RBFOX3: variants seen among roughly 807,000 people sequenced by gnomAD.
The protein encoded by RBFOX3 is RNA binding protein fox-1 homolog 3.
Under a neutral mutation model 48.7 loss-of-function variants are expected in RBFOX3, and 17 were observed. That is an observed-to-expected ratio of 0.35 (90% CI 0.24 to 0.52). The LOEUF (loss-of-function observed/expected upper bound fraction) is 0.52, where lower values mean the gene tolerates loss of function less well. RBFOX3 is among the 20% of genes least tolerant of loss of function. The pLI is 0.94. For synonymous variants in RBFOX3, 212 were observed against 209.5 expected (o/e 1.01, Z -0.10); for missense variants, 382 against 497.5 (o/e 0.77, Z 2.21).
the RBFOX3 span, among the ~76,000 whole-genome samples, chr17:79,620,011 GCACACA>G: frequency 7.0e-6 from 1 of 142,328 alleles, no homozygotes; most frequent in Non-Finnish European, 1.5e-5. Context: ...ACATGCACAT[GCACACA>G]CACACGTGCA....
At chr17:79,398,216 A>C (rs539799515) in intron 2 of RBFOX3, among the ~76,000 whole-genome samples, 3 of 152,268 alleles carry the variant, frequency 2.0e-5, no homozygotes, top group African/African-American at 7.2e-5. Flanking sequence ...CTCATTATGC[A>C]CCAGAAAGGA....
chr17:79,560,456 A>G (rs1391265152), intron 1 of RBFOX3, among the ~76,000 whole-genome samples: 1 of 152,166 alleles, frequency 6.6e-6, no homozygotes, highest in African/African-American at 2.4e-5. Flanking sequence ...TAGCCTCAGG[A>G]CCAGTCAGAA....
chr17:79,579,930 G>A (rs1460136222), intron 1 of RBFOX3, among the ~76,000 whole-genome samples: 6 of 143,722 alleles, frequency 4.2e-5, no homozygotes, highest in Admixed American at 2.1e-4. Flanking sequence ...GGGATCACTC[G>A]CACTGTGGTG....
rs144385834 is a variant in RBFOX3 at position 79,178,208 on chromosome 17, C to T, written c.-34+57558G>A. Among the ~76,000 whole-genome samples the T allele has an allele frequency of 7.7e-3, 1,171 of 152,334 alleles. 47 individuals are homozygous for T. Among genetic ancestry groups the T allele is most frequent in the Admixed American group, 0.058 (889 of 15,306 alleles). On this transcript the variant is annotated intron_variant, in intron 4 of 14. Transcript: ENST00000693108. ...TGCTCAGAGAAACTCACTCACCCCA[C>T]GGAACAAGACACCATGTGGAGGTTT...
At chr17:79,323,656 C>G (rs1326333956) in intron 2 of RBFOX3, among the ~76,000 whole-genome samples, 1 of 152,186 alleles carries the variant, frequency 6.6e-6, no homozygotes, top group African/African-American at 2.4e-5. Flanking sequence ...TGACCTTTGT[C>G]CTGTTTGATG....
At chr17:79,094,190 G>A (rs200418686) in intron 14 of RBFOX3, 4 of 419,002 alleles carry the variant, frequency 9.5e-6, no homozygotes, top group Admixed American at 4.4e-5. Context: ...TCAGGGAAAC[G>A]GATCAGGCAC....
intron 4 of RBFOX3, among the ~76,000 whole-genome samples, chr17:79,209,110 C>G (rs553340552): frequency 1.3e-5 from 2 of 152,234 alleles, no homozygotes; most frequent in Non-Finnish European, 2.9e-5. Context: ...TGAGCCACCA[C>G]GCCCGGCCCC....
Position 79,121,860 on chromosome 17 carries a change from CT to C in RBFOX3, c.-33-6113del, listed in dbSNP as rs1359246305. ...TAGTCTCCAAATTAAAAAAAAACATCTGTATGTTGACAATCCCAAAGTTTTA... is the reference window on the plus strand; with the variant it reads ...TAGTCTCCAAATTAAAAAAAAACATCGTATGTTGACAATCCCAAAGTTTTA... On this transcript the variant is annotated intron_variant, in intron 4 of 14. Transcript: ENST00000693108. Among the ~76,000 whole-genome samples, 8 of 152,276 alleles carry C rather than the reference CT, an allele frequency of 5.3e-5. No homozygotes were observed. In the East Asian group the frequency reaches 9.6e-4, roughly 18 times the overall value.
At chr17:79,384,226 C>G (rs1001847871) in intron 2 of RBFOX3, among the ~76,000 whole-genome samples, 4 of 152,134 alleles carry the variant, frequency 2.6e-5, no homozygotes, top group African/African-American at 9.7e-5. Flanking sequence ...CTCTGGGGAC[C>G]CCGGTAAGGG....
chr17:79,162,057 T>G (rs991991894), intron 4 of RBFOX3, among the ~76,000 whole-genome samples: 2 of 152,158 alleles, frequency 1.3e-5, no homozygotes, highest in African/African-American at 4.8e-5. Flanking sequence ...CAGCTGCCCC[T>G]GCTGAGAATT....
intron 2 of RBFOX3, among the ~76,000 whole-genome samples, chr17:79,412,907 C>T (rs2064695894): frequency 6.6e-6 from 1 of 151,868 alleles, no homozygotes; most frequent in African/African-American, 2.4e-5. Context: ...TGGCATGATC[C>T]CCACCCACAG....
At position 79,111,907 on chromosome 17, in the gene RBFOX3, CCCT is replaced by C. The variant is rs2031757549; in HGVS notation, c.222+3584_222+3586del. ...TGGGGTCCCCCGGTCCTTCCGCAGC[CCCT>C]CATCGCACTCTGTACCCTTTGCTGC... On this transcript the variant is annotated intron_variant, in intron 5 of 14. Coordinates refer to ENST00000693108, the MANE Select transcript of RBFOX3 (RefSeq NM_001350451.2). The surrounding 1 kb of genome is among the most constrained non-coding windows in gnomAD (Gnocchi z 4.2). 6.6e-6 allele frequency among the ~76,000 whole-genome samples: 1 copy of C among 152,178 alleles called. No individual in the cohort carries two copies. The highest frequency in any genetic ancestry group is 1.5e-5 in the Non-Finnish European group (1 of 68,022).
chr17:79,093,826 C>CACACAG (rs1555681688), intron 14 of RBFOX3, among the ~76,000 whole-genome samples: 2 of 147,234 alleles, frequency 1.4e-5, no homozygotes, highest in African/African-American at 2.6e-5. Flanking sequence ...CACACACACA[C>CACACAG]AGAGACACGC....
At chr17:79,549,816 A>T (rs57526497) in intron 1 of RBFOX3, among the ~76,000 whole-genome samples, 3 of 152,138 alleles carry the variant, frequency 2.0e-5, no homozygotes, top group East Asian at 1.9e-4. Context: ...CAGCCTGGTC[A>T]GAGCTAACGT....
At chr17:79,370,397 G>A (rs1327959601) in intron 2 of RBFOX3, among the ~76,000 whole-genome samples, 3 of 152,170 alleles carry the variant, frequency 2.0e-5, no homozygotes, top group Non-Finnish European at 4.4e-5. Flanking sequence ...GGCCAAGGTG[G>A]ACACATCCGA....
rs756326280 is a variant in RBFOX3, at chr17:79,103,276, G to A, written c.415-22C>T. The A allele has an allele frequency of 3.0e-5, 46 of 1,508,734 alleles. No homozygotes were observed. Among genetic ancestry groups the A allele is most frequent in the South Asian group, 1.2e-5 (1 of 83,102 alleles). The allele number at this position is 1,508,734 out of a possible 1,614,324, so 93.5% of individuals were successfully genotyped here. A position where few individuals can be genotyped will look rare whatever the true frequency, so the allele number is the denominator to read the frequency against. On this transcript the variant is annotated intron_variant, in intron 7 of 14. Transcript: ENST00000693108. The surrounding 1 kb of genome is among the most constrained non-coding windows in gnomAD (Gnocchi z 6.1). ...AACCCTGTGAGCAGAGGAGAGGGAAGGACAGGCACGGAGAGGAGGACACAG... is the reference window on the plus strand; with the variant it reads ...AACCCTGTGAGCAGAGGAGAGGGAAAGACAGGCACGGAGAGGAGGACACAG...
At chr17:79,325,385 T>C (rs1458642863) in intron 2 of RBFOX3, among the ~76,000 whole-genome samples, 1 of 152,122 alleles carries the variant, frequency 6.6e-6, no homozygotes, top group Non-Finnish European at 1.5e-5. Context: ...GAAAGAGCTA[T>C]GGCATCAGAG....
chr17:79,446,737 C>T (rs782707846), intron 2 of RBFOX3, among the ~76,000 whole-genome samples: 6 of 152,160 alleles, frequency 3.9e-5, no homozygotes, highest in Non-Finnish European at 5.9e-5. Flanking sequence ...CCTGAGCTGC[C>T]GCTCTCAGCA....
chr17:79,489,806 C>A (rs1276412320), intron 1 of RBFOX3, among the ~76,000 whole-genome samples: 13 of 152,164 alleles, frequency 8.5e-5, no homozygotes. Context: ...CTGGTTAATC[C>A]CTCTCATACC....
Sources: gnomAD v4.1 joint callset for allele counts (sites outside exome capture counted in the v4.1 genomes callset) on GRCh38, gnomAD v4.1.1 for gene constraint, Gnocchi (gnomAD v3.1) non-coding constraint, MANE v1.5 for transcripts, NCBI Gene and HGNC (gene_info 2026-07-23, HGNC 2026-07-21) for gene names.